HSPA4: variants seen among roughly 807,000 people sequenced by gnomAD.
HSPA4 encodes heat shock 70 kDa protein 4.
HSPA4 carries 25 observed loss-of-function variants against 106.2 expected under a neutral mutation model. The observed-to-expected ratio is 0.24, with a 90% confidence interval of 0.17 to 0.33. The LOEUF (loss-of-function observed/expected upper bound fraction) is 0.33. Among genes scored for constraint, HSPA4 ranks in the 10% least tolerant of loss-of-function variants. HSPA4 has a pLI of 1.00. For synonymous variants in HSPA4, 332 were observed against 333.6 expected, an observed-to-expected ratio of 1.00 and a Z score of 0.05; for missense variants, 841 against 996.0, an observed-to-expected ratio of 0.84 and a Z score of 2.10.
At position 133,061,898 on chromosome 5, in the gene HSPA4, T is replaced by A. The variant is rs145148016; in HGVS notation, c.108-3082T>A. On this transcript the variant is annotated intron_variant, in intron 1 of 18. Transcript: ENST00000304858. ...ATCTGCCTGCCTTGGCCTCCCTAAG[T>A]GCTGGGATTACAGACGTGAGCCACC... Among the ~76,000 whole-genome samples the A allele has an allele frequency of 5.0e-3, 757 of 152,332 alleles. 7 individuals are homozygous for A. The highest frequency in any genetic ancestry group is 0.018 in the African/African-American group (734 of 41,566).
intron 5 of HSPA4, among the ~76,000 whole-genome samples, chr5:133,073,683 G>A (rs1428630202): frequency 3.3e-5 from 5 of 152,238 alleles, no homozygotes; most frequent in South Asian, 2.1e-4. Flanking sequence ...CAGAACATGC[G>A]GGGATGTTAA....
chr5:133,103,026 C>T (rs1412796959), intron 17 of HSPA4, among the ~76,000 whole-genome samples: 6 of 149,138 alleles, frequency 4.0e-5, no homozygotes, highest in Admixed American at 2.7e-4. Flanking sequence ...GGATTATAGG[C>T]ATTAGCCATC....
Position 133,067,447 on chromosome 5 carries a change from G to C in HSPA4, c.196G>C (p.Gly66Arg), listed in dbSNP as rs762408933. The change falls in exon 3 of 19, where the codon GGA (glycine) becomes CGA (arginine). Residue 66 changes from glycine to arginine, a missense_variant. By Grantham distance (125) the Gly-to-Arg change is moderately radical. This residue lies in a region of HSPA4 where 347 missense variants were observed against 408.7 expected (regional missense o/e 0.85). Coordinates refer to ENST00000304858, the MANE Select transcript of HSPA4 (RefSeq NM_002154.4). The stretch of plus-strand genomic sequence containing the variant: ...TTCTAATGCAAAGAACACAGTCCAA[G>C]GATTTAAAAGATTCCATGGCCGAGC... ...VISNAKNTVQ[G>R]FKRFHGRAFS... The C allele has an allele frequency of 1.2e-6, 2 of 1,613,568 alleles. No individual in the cohort carries two copies. Among genetic ancestry groups the C allele is most frequent in the African/African-American group, 2.7e-5 (2 of 74,908 alleles).
At position 133,070,624 on chromosome 5, in the gene HSPA4, G is replaced by A. The variant is rs185319914; in HGVS notation, c.429+128G>A. 113 of 1,095,638 alleles carry A rather than the reference G, an allele frequency of 1.0e-4. No homozygotes were observed. In the African/African-American group the frequency reaches 1.6e-3, roughly 16 times the overall value. 67.9% of individuals were successfully genotyped at this position (1,095,638 alleles called of 1,614,324 possible). A position where few individuals can be genotyped will look rare whatever the true frequency, so the allele number is the denominator to read the frequency against. On this transcript the variant is annotated intron_variant, in intron 4 of 18. Transcript: ENST00000304858. ...GGTTATTTAAAATGTTTGTCAGGCCGGGTGCAGTGGCTCACGCCTGTAATC... is the reference window on the plus strand; with the variant it reads ...GGTTATTTAAAATGTTTGTCAGGCCAGGTGCAGTGGCTCACGCCTGTAATC...
At chr5:133,100,594 C>T (rs1031828725) in intron 16 of HSPA4, among the ~76,000 whole-genome samples, 2 of 151,936 alleles carry the variant, frequency 1.3e-5, no homozygotes, top group Admixed American at 6.6e-5. Context: ...GGTCGGAGAT[C>T]GAGACCAAGG....
At chr5:133,101,541 T>C (rs750803450) in intron 16 of HSPA4, 4 of 427,040 alleles carry the variant, frequency 9.4e-6, no homozygotes, top group Non-Finnish European at 1.7e-5. Flanking sequence ...TTTTGAGGGC[T>C]CAGGTGACAA....
At chr5:133,097,535 CTTTCTTTTCT>C (rs201155584) in intron 15 of HSPA4, among the ~76,000 whole-genome samples, 2 of 145,526 alleles carry the variant, frequency 1.4e-5, no homozygotes, top group South Asian at 4.4e-4. Flanking sequence ...TATCTTGTAT[CTTTCTTTTCT>C]TTTCTTTTTT....
chr5:133,085,783 G>C (rs539079755), intron 7 of HSPA4, among the ~76,000 whole-genome samples: 5 of 151,552 alleles, frequency 3.3e-5, no homozygotes, highest in African/African-American at 4.9e-5. Context: ...TGAATAGTTG[G>C]AGCACAGGGA....
At chr5:133,086,690 G>A in intron 7 of HSPA4, 92 bp from the exon 8 acceptor site, 1 of 860,016 alleles carries the variant, frequency 1.2e-6, no homozygotes. Context: ...AGCACTTGTT[G>A]TTACCTGTTT....
chr5:133,072,326 C>G (rs1765391584), intron 4 of HSPA4, among the ~76,000 whole-genome samples: 1 of 150,850 alleles, frequency 6.6e-6, no homozygotes, highest in African/African-American at 2.4e-5. Flanking sequence ...ACTCCAGCAA[C>G]AGGTTGTAAC....
chr5:133,094,630 G>A (rs890843829), intron 13 of HSPA4, among the ~76,000 whole-genome samples: 2 of 152,064 alleles, frequency 1.3e-5, no homozygotes, highest in African/African-American at 2.4e-5. Context: ...GAGAAGTGAC[G>A]GCTGCTTCCC....
At position 133,104,602 on chromosome 5, in the gene HSPA4, ATAGT is replaced by A; in HGVS notation, c.*170_*173del. 1.6e-6 allele frequency: 1 copy of A among 610,116 alleles called. No individual in the cohort carries two copies. Among genetic ancestry groups the A allele is most frequent in the Non-Finnish European group, 2.9e-6 (1 of 346,530 alleles). The allele number at this position is 610,116 out of a possible 1,614,324, so 37.8% of individuals were successfully genotyped here. A position where few individuals can be genotyped will look rare whatever the true frequency, so the allele number is the denominator to read the frequency against. On this transcript the variant is annotated 3_prime_UTR_variant, in exon 19 of 19. Transcript: ENST00000304858. Reference sequence around the variant, plus strand: ...ATGTATGGAGCATTTTCACTTCTAAATAGTTAGATACAGAAATTAAGTGCATTGT... The same window carrying A: ...ATGTATGGAGCATTTTCACTTCTAAATAGATACAGAAATTAAGTGCATTGT...
rs184091778 is a variant in HSPA4, at chr5:133,069,087, G to A, written c.307-1287G>A. On this transcript the variant is annotated intron_variant, in intron 3 of 18. Coordinates refer to ENST00000304858, the MANE Select transcript of HSPA4 (RefSeq NM_002154.4). Reference sequence around the variant, plus strand: ...AGCAGCTAAAAGAAGAGAGCAACATGTTCTATTCTGGATTGTAATTTGGGA... The same window carrying A: ...AGCAGCTAAAAGAAGAGAGCAACATATTCTATTCTGGATTGTAATTTGGGA... Among the ~76,000 whole-genome samples, 4 of 152,300 alleles carry A rather than the reference G, an allele frequency of 2.6e-5. No individual in the cohort carries two copies. In the East Asian group the frequency reaches 7.7e-4, roughly 29 times the overall value.
Position 133,099,632 on chromosome 5 carries a change from G to T in HSPA4, c.2017G>T (p.Asp673Tyr). The T allele has an allele frequency of 6.3e-7, 1 of 1,592,294 alleles. No individual in the cohort carries two copies. The highest frequency in any genetic ancestry group is 1.1e-5 in the South Asian group (1 of 89,492). Residue 673 changes from aspartate to tyrosine, a missense_variant, in exon 16 of 19, where the codon GAT (aspartate) becomes TAT (tyrosine). Asp to Tyr is a radical substitution (Grantham distance 160, BLOSUM62 -3). Coordinates refer to ENST00000304858, the MANE Select transcript of HSPA4 (RefSeq NM_002154.4). ...AGACCAGCCAAAGCAAGTTTATGTT[G>T]ATAAGTTGGCTGAATTAAAAGTAAG... is the stretch of plus-strand genomic sequence containing the variant. ...GEDQPKQVYV[D>Y]KLAELKNLGQ...
intron 17 of HSPA4, among the ~76,000 whole-genome samples, chr5:133,102,871 C>G (rs1446435765): frequency 2.0e-5 from 3 of 147,288 alleles, no homozygotes; most frequent in African/African-American, 7.6e-5. Flanking sequence ...TTCTAAGTAG[C>G]TGGGACTATA....
At chr5:133,091,169 C>G in intron 11 of HSPA4, 24 bp from the exon 12 acceptor site, 2 of 1,596,092 alleles carry the variant, frequency 1.3e-6, no homozygotes, top group Non-Finnish European at 1.7e-6. Context: ...GTTATGTGTT[C>G]TTTTGTCTCT....
chr5:133,052,433 T>C, intron 1 of HSPA4, 76 bp downstream of exon 1: 1 of 1,043,070 alleles, frequency 9.6e-7, no homozygotes, highest in Non-Finnish European at 1.3e-6. Context: ...CCCTCGCTGC[T>C]TGGGGAACGC....
At chr5:133,092,818 T>TTG in intron 13 of HSPA4, 29 bp downstream of exon 13, 18 of 982,776 alleles carry the variant, frequency 1.8e-5, no homozygotes, top group Non-Finnish European at 2.3e-5. Context: ...TTTTTTTTTT[T>TTG]TTTTTTTTTT....
chr5:133,100,960 C>G (rs1036418227), intron 16 of HSPA4, among the ~76,000 whole-genome samples: 1 of 152,160 alleles, frequency 6.6e-6, no homozygotes, highest in Non-Finnish European at 1.5e-5. Flanking sequence ...TGTGCGCCAT[C>G]ACGCCTGGCT....
Sources: gnomAD v4.1 joint callset for allele counts (sites outside exome capture counted in the v4.1 genomes callset) on GRCh38, gnomAD v4.1.1 for gene constraint, gnomAD v4.1.1 regional missense constraint, MANE v1.5 for transcripts, NCBI Gene and HGNC (gene_info 2026-07-23, HGNC 2026-07-21) for gene names.